Variants in SLC6A11 observed in about 807,000 individuals in gnomAD.
The protein encoded by SLC6A11 is solute carrier family 6 member 11, also known as sodium- and chloride-dependent GABA transporter 3.
A neutral mutation model predicts 74.8 loss-of-function variants in SLC6A11; 25 were observed. That is an observed-to-expected ratio of 0.33 (90% confidence interval 0.24 to 0.47). The LOEUF is 0.47. Ranked by LOEUF, SLC6A11 falls within the 20% of genes least tolerant of loss-of-function variation. The pLI, the probability that SLC6A11 is intolerant of heterozygous loss-of-function variation, is 1.00. For missense variants in SLC6A11, 574 were observed against 837.0 expected, an observed-to-expected ratio of 0.69 and a Z score of 3.88; for synonymous variants, 330 against 330.2, an observed-to-expected ratio of 1.00 and a Z score of 0.01.
chr3:10,886,807 CAAA>C (rs200743729), intron 6 of SLC6A11, among the ~76,000 whole-genome samples: 4 of 101,184 alleles, frequency 4.0e-5, no homozygotes, highest in South Asian at 3.2e-4. Flanking sequence ...GACTCCATCT[CAAA>C]AAAAAAAAAA....
intron 6 of SLC6A11, among the ~76,000 whole-genome samples, chr3:10,906,595 A>G (rs1695305688): frequency 6.6e-6 from 1 of 152,202 alleles, no homozygotes; most frequent in African/African-American, 2.4e-5. Context: ...GGGTCTATGC[A>G]GTCTCTAACC....
chr3:10,922,150 G>A (rs1239905858), intron 8 of SLC6A11, among the ~76,000 whole-genome samples: 7 of 152,130 alleles, frequency 4.6e-5, no homozygotes, highest in Admixed American at 4.6e-4. Flanking sequence ...ATCAAACAGT[G>A]CACTCAGTGC....
chr3:10,839,796 C>A (rs890876510), intron 4 of SLC6A11, among the ~76,000 whole-genome samples: 1 of 152,186 alleles, frequency 6.6e-6, no homozygotes, highest in African/African-American at 2.4e-5. Context: ...TGGCCATGAT[C>A]TCTTCCTCTA....
intron 7 of SLC6A11, among the ~76,000 whole-genome samples, chr3:10,914,085 G>A (rs1193659336): frequency 6.6e-6 from 1 of 152,222 alleles, no homozygotes; most frequent in Non-Finnish European, 1.5e-5. Context: ...CTGCTGGTGG[G>A]ACAGGAACTT....
At chr3:10,864,344 G>T (rs1275435152) in intron 5 of SLC6A11, among the ~76,000 whole-genome samples, 1 of 151,336 alleles carries the variant, frequency 6.6e-6, no homozygotes, top group Non-Finnish European at 1.5e-5. Flanking sequence ...TCTCAGGGTT[G>T]GGAGGGGCGT....
At chr3:10,905,844 G>A (rs1695295766) in intron 6 of SLC6A11, among the ~76,000 whole-genome samples, 1 of 152,190 alleles carries the variant, frequency 6.6e-6, no homozygotes, top group Non-Finnish European at 1.5e-5. Context: ...ATGAGCATGT[G>A]TCTCAGCAGA....
chr3:10,911,472 G>A (rs535328080), intron 6 of SLC6A11, among the ~76,000 whole-genome samples: 3 of 152,104 alleles, frequency 2.0e-5, no homozygotes, highest in Admixed American at 6.5e-5. Flanking sequence ...AAGCCTAGAG[G>A]GGGGGAGTCT....
chr3:10,823,258 T>C, intron 3 of SLC6A11, 44 bp from the exon 4 acceptor site: 1 of 1,396,132 alleles, frequency 7.2e-7, no homozygotes, highest in Non-Finnish European at 1.0e-6. Context: ...TCAGCTTTCA[T>C]GGAGATTAAT....
intron 7 of SLC6A11, among the ~76,000 whole-genome samples, chr3:10,916,774 G>A (rs556227452): frequency 3.3e-5 from 5 of 152,168 alleles, no homozygotes; most frequent in East Asian, 1.9e-4. Context: ...TTGATCTAGC[G>A]CAAGGTCAAG....
chr3:10,818,064 A>G (rs1694086553), intron 1 of SLC6A11, among the ~76,000 whole-genome samples: 1 of 141,722 alleles, frequency 7.1e-6, no homozygotes, highest in African/African-American at 2.6e-5. Flanking sequence ...AAATTCTGTC[A>G]CAGATTTTTT....
At chr3:10,936,538 G>C (rs747011450) in intron 13 of SLC6A11, among the ~76,000 whole-genome samples, 1 of 136,614 alleles carries the variant, frequency 7.3e-6, no homozygotes, top group Non-Finnish European at 1.6e-5. Flanking sequence ...CCTGCCCACC[G>C]AGGGGCCTGG....
At chr3:10,892,637 A>T in intron 6 of SLC6A11, among the ~76,000 whole-genome samples, 1 of 149,484 alleles carries the variant, frequency 6.7e-6, no homozygotes, top group Non-Finnish European at 1.5e-5. Flanking sequence ...AGCATGGACC[A>T]TGTGTTGCTG....
At chr3:10,829,643 T>C (rs1694267532) in intron 4 of SLC6A11, among the ~76,000 whole-genome samples, 1 of 152,186 alleles carries the variant, frequency 6.6e-6, no homozygotes, top group Admixed American at 6.5e-5. Flanking sequence ...CTGGGCAACC[T>C]GAAGAGCCTC....
In SLC6A11 at chr3:10,938,589, T is replaced by C. The variant is rs1695786811; in HGVS notation, c.*187T>C. On this transcript the variant is annotated 3_prime_UTR_variant, in exon 14 of 14. Transcript: ENST00000254488. ...CATATCCCCTCCCCGCCCCCAGTCA[T>C]CATGGAAGTAACCACTACAAAGAGA... 2 of 508,080 alleles carry C rather than the reference T, an allele frequency of 3.9e-6. No homozygotes were observed. The highest frequency in any genetic ancestry group is 6.0e-5 in the East Asian group (2 of 33,558). The allele number at this position is 508,080 out of a possible 1,614,324, so 31.5% of individuals were successfully genotyped here. A position where few individuals can be genotyped will look rare whatever the true frequency, so the allele number is the denominator to read the frequency against.
chr3:10,888,331 C>A (rs1416981076), intron 6 of SLC6A11, among the ~76,000 whole-genome samples: 2 of 152,168 alleles, frequency 1.3e-5, no homozygotes. Flanking sequence ...GAGAATACAG[C>A]CAGATTGGGG....
rs937147120 is a variant in SLC6A11 at position 10,926,818 on chromosome 3, C to G, written c.1233+702C>G. ...GACTCCCATCCCAGGTCCCCGGCCTCTTTCCCAGACCATTCCCCCAACAGT... is the reference window on the plus strand; with the variant it reads ...GACTCCCATCCCAGGTCCCCGGCCTGTTTCCCAGACCATTCCCCCAACAGT... On this transcript the variant is annotated intron_variant, in intron 9 of 13. Coordinates refer to ENST00000254488, the MANE Select transcript of SLC6A11 (RefSeq NM_014229.3). The surrounding 1 kb of genome is among the most constrained non-coding windows in gnomAD (Gnocchi z 5.7). 6.6e-6 allele frequency among the ~76,000 whole-genome samples: 1 copy of G among 152,206 alleles called. No homozygotes were observed. The highest frequency in any genetic ancestry group is 2.4e-5 in the African/African-American group (1 of 41,450).
rs184697613 is a variant in SLC6A11 at position 10,886,348 on chromosome 3, C to T, written c.891+11253C>T. Reference sequence around the variant, plus strand: ...CCATGGTCAAGGAGCCCTCTGTGGCCTGGTCCCTGTCCCATACAGCCTTGG... The same window carrying T: ...CCATGGTCAAGGAGCCCTCTGTGGCTTGGTCCCTGTCCCATACAGCCTTGG... On this transcript the variant is annotated intron_variant, in intron 6 of 13. Transcript: ENST00000254488. Among the ~76,000 whole-genome samples the T allele has an allele frequency of 6.6e-5, 10 of 152,296 alleles. No individual in the cohort carries two copies. The East Asian group carries it at 1.9e-3, about 29-fold the overall frequency.
chr3:10,936,725 C>T (rs1695764214), intron 13 of SLC6A11, among the ~76,000 whole-genome samples: 1 of 152,184 alleles, frequency 6.6e-6, no homozygotes, highest in South Asian at 2.1e-4. Flanking sequence ...GGAAGCTGAC[C>T]TGGGGCCTTA....
At chr3:10,835,710 C>T (rs981797121) in intron 4 of SLC6A11, among the ~76,000 whole-genome samples, 15 of 152,192 alleles carry the variant, frequency 9.9e-5, no homozygotes, top group African/African-American at 3.6e-4. Context: ...GTAGCTATTT[C>T]TGTGGAGCCT....
Sources: allele counts gnomAD v4.1 joint callset (sites outside exome capture counted in the v4.1 genomes callset), GRCh38; gene constraint gnomAD v4.1.1; non-coding constraint Gnocchi (gnomAD v3.1); transcripts MANE v1.5; gene names NCBI Gene and HGNC (gene_info 2026-07-23, HGNC 2026-07-21).